Variants in NBEA observed in about 807,000 individuals in gnomAD.
NBEA encodes the protein neurobeachin, also known as lysosomal-trafficking regulator 2.
Under a neutral mutation model 343.4 loss-of-function variants are expected in NBEA, and 44 were observed. That is an observed-to-expected ratio of 0.13 (90% CI 0.10 to 0.16). The LOEUF is 0.16. Ranked by LOEUF, NBEA falls within the 10% of genes least tolerant of loss-of-function variation. NBEA has a pLI of 1.00. For synonymous variants in NBEA, 1,175 were observed against 1,238.7 expected (o/e 0.95, Z 1.08); for missense variants, 2,555 against 3,631.3 (o/e 0.70, Z 7.62).
At chr13:35,046,975 A>G (rs1402588861) in intron 4 of NBEA, among the ~76,000 whole-genome samples, 1 of 152,112 alleles carries the variant, frequency 6.6e-6, no homozygotes, top group Non-Finnish European at 1.5e-5. Context: ...CATTTAAAAA[A>G]TTCGGTTGTT....
chr13:35,168,033 A>G (rs2070171903), intron 24 of NBEA, among the ~76,000 whole-genome samples: 1 of 151,830 alleles, frequency 6.6e-6, no homozygotes, highest in Non-Finnish European at 1.5e-5. Flanking sequence ...CTGTCCAAAA[A>G]TAACAAAGTC....
chr13:35,492,161 A>G (rs905451591), intron 41 of NBEA, among the ~76,000 whole-genome samples: 12 of 151,934 alleles, frequency 7.9e-5, no homozygotes, highest in African/African-American at 2.9e-4. Context: ...GCAAAGGCAT[A>G]ACAATGACAC....
chr13:35,234,005 G>GTTCTATGCA, intron 34 of NBEA, among the ~76,000 whole-genome samples: 1 of 152,240 alleles, frequency 6.6e-6, no homozygotes, highest in East Asian at 1.9e-4. Flanking sequence ...GATGAGGAGT[G>GTTCTATGCA]TTCTATGCAG....
chr13:35,600,337 A>G (rs1335235855), intron 47 of NBEA, among the ~76,000 whole-genome samples: 1 of 152,170 alleles, frequency 6.6e-6, no homozygotes, highest in African/African-American at 2.4e-5. Flanking sequence ...GGACCTGATG[A>G]ATTTTTGCAT....
intron 1 of NBEA, among the ~76,000 whole-genome samples, chr13:34,974,630 TAC>T (rs2060106592): frequency 6.6e-6 from 1 of 152,172 alleles, no homozygotes; most frequent in South Asian, 2.1e-4. Flanking sequence ...CCCGTATGAG[TAC>T]ATACAAAAAT....
At chr13:35,302,919 T>C (rs2036645896) in intron 35 of NBEA, among the ~76,000 whole-genome samples, 1 of 152,266 alleles carries the variant, frequency 6.6e-6, no homozygotes, top group African/African-American at 2.4e-5. Flanking sequence ...ACTGAACTCA[T>C]AGAGTCACAT....
intron 33 of NBEA, among the ~76,000 whole-genome samples, chr13:35,220,614 C>T (rs897974888): frequency 1.1e-4 from 17 of 152,058 alleles, no homozygotes; most frequent in African/African-American, 3.9e-4. Context: ...CTGTTCTCCA[C>T]TCCAACCCAC....
chr13:35,495,442 G>A (rs1004428309), intron 41 of NBEA, among the ~76,000 whole-genome samples: 24 of 152,000 alleles, frequency 1.6e-4, no homozygotes, highest in African/African-American at 3.9e-4. Flanking sequence ...TCAATACCCC[G>A]CTTTCAATAA....
At chr13:35,050,982 TA>T (rs1181178558) in intron 6 of NBEA, among the ~76,000 whole-genome samples, 2 of 151,942 alleles carry the variant, frequency 1.3e-5, no homozygotes, top group African/African-American at 4.8e-5. Context: ...AAAACTGCTC[TA>T]AAGAGAAAAT....
chr13:35,329,049 T>C (rs2038766834), intron 36 of NBEA, among the ~76,000 whole-genome samples: 1 of 151,876 alleles, frequency 6.6e-6, no homozygotes, highest in Admixed American at 6.6e-5. Context: ...GAACAGACAC[T>C]ACACCAAAGA....
At chr13:35,079,207 C>G (rs879660591) in intron 10 of NBEA, among the ~76,000 whole-genome samples, 15 of 152,050 alleles carry the variant, frequency 9.9e-5, no homozygotes, top group Non-Finnish European at 2.9e-5. Context: ...GTAGAATATT[C>G]TGATATAAAA....
chr13:35,236,027 A>T (rs1219781889), intron 34 of NBEA, among the ~76,000 whole-genome samples: 1 of 152,212 alleles, frequency 6.6e-6, no homozygotes, highest in Non-Finnish European at 1.5e-5. Flanking sequence ...TTTTTAAACT[A>T]TATGGATGTA....
chr13:35,517,941 A>AT, intron 41 of NBEA, among the ~76,000 whole-genome samples: 1 of 152,222 alleles, frequency 6.6e-6, no homozygotes, highest in Non-Finnish European at 1.5e-5. Context: ...TTTTTAAAAT[A>AT]TTTTTTCTTT....
intron 27 of NBEA, among the ~76,000 whole-genome samples, chr13:35,173,831 A>T (rs1403307732): frequency 6.6e-6 from 1 of 152,170 alleles, no homozygotes; most frequent in Non-Finnish European, 1.5e-5. Context: ...GTTCTTACAA[A>T]TATTATAATT....
chr13:35,173,216 A>G (rs2152723775), intron 26 of NBEA, among the ~76,000 whole-genome samples: 1 of 152,258 alleles, frequency 6.6e-6, no homozygotes, highest in Admixed American at 6.5e-5. Flanking sequence ...GCCTCTGGTA[A>G]TGTTTTATTT....
At position 35,452,082 on chromosome 13, in the gene NBEA, T is replaced by C. The variant is rs745945192; in HGVS notation, c.6305-10T>C. The C allele has an allele frequency of 1.2e-6, 2 of 1,602,078 alleles. No individual in the cohort carries two copies. The highest frequency in any genetic ancestry group is 2.2e-5 in the East Asian group (1 of 44,764). Reference sequence around the variant, plus strand: ...AATAACCTAAATGATTATATTTTTGTTGTGATTAGGCACGGAAGAAGATGT... The same window carrying C: ...AATAACCTAAATGATTATATTTTTGCTGTGATTAGGCACGGAAGAAGATGT... On this transcript the variant is annotated splice_polypyrimidine_tract_variant and intron_variant, in intron 39 of 58. Coordinates refer to ENST00000379939, the MANE Select transcript of NBEA (RefSeq NM_001385012.1).
intron 18 of NBEA, among the ~76,000 whole-genome samples, chr13:35,151,955 T>C (rs920074988): frequency 6.6e-6 from 1 of 152,212 alleles, no homozygotes; most frequent in Non-Finnish European, 1.5e-5. Context: ...TAGAATATGT[T>C]TTCTGCAGGC....
At chr13:35,545,549 T>G (rs1003845557) in intron 41 of NBEA, among the ~76,000 whole-genome samples, 1 of 152,250 alleles carries the variant, frequency 6.6e-6, no homozygotes, top group Non-Finnish European at 1.5e-5. Context: ...TTCCAGCCTG[T>G]GCTAATTTTA....
chr13:35,207,757 A>T (rs2073492772), intron 31 of NBEA, among the ~76,000 whole-genome samples: 1 of 152,132 alleles, frequency 6.6e-6, no homozygotes, highest in South Asian at 2.1e-4. Context: ...TAAACTTCTA[A>T]CCAAATGTCT....
Sources: gnomAD v4.1 joint callset for allele counts (sites outside exome capture counted in the v4.1 genomes callset) on GRCh38, gnomAD v4.1.1 for gene constraint, MANE v1.5 for transcripts, NCBI Gene and HGNC (gene_info 2026-07-23, HGNC 2026-07-21) for gene names.